ANKH: variants seen among roughly 807,000 people sequenced by gnomAD.
ANKH encodes the protein mineralization regulator ANKH.
A neutral mutation model predicts 49.0 loss-of-function variants in ANKH; 15 were observed. That is an observed-to-expected ratio of 0.31 (90% confidence interval 0.20 to 0.47). The LOEUF (loss-of-function observed/expected upper bound fraction) is 0.47. Ranked by LOEUF, ANKH falls within the 20% of genes least tolerant of loss-of-function variation. The pLI is 1.00. For missense variants in ANKH, 429 were observed against 652.0 expected, an observed-to-expected ratio of 0.66 and a Z score of 3.72; for synonymous variants, 273 against 260.0, an observed-to-expected ratio of 1.05 and a Z score of -0.48.
chr5:14,871,162 T>A (rs978198041), intron 1 of ANKH, 190 bp downstream of exon 1: 29 of 679,888 alleles, frequency 4.3e-5, no homozygotes, highest in African/African-American at 3.2e-4. Context: ...TGGAAAAGTC[T>A]GCTGAATAAT....
At chr5:14,793,021 A>AATATATATATATAAAAATATATAT (rs1740232243) in intron 1 of ANKH, among the ~76,000 whole-genome samples, 6 of 68,334 alleles carry the variant, frequency 8.8e-5, no homozygotes, top group Non-Finnish European at 1.7e-4. Flanking sequence ...TATATATATA[A>AATATATATATATAAAAATATATAT]ATATATATAT....
intron 1 of ANKH, among the ~76,000 whole-genome samples, chr5:14,855,551 C>A (rs1742230380): frequency 6.6e-6 from 1 of 152,116 alleles, no homozygotes; most frequent in Non-Finnish European, 1.5e-5. Context: ...GAGTAACCAG[C>A]ATACATTGTG....
intron 1 of ANKH, among the ~76,000 whole-genome samples, chr5:14,802,667 G>A (rs547620475): frequency 6.6e-6 from 1 of 151,880 alleles, no homozygotes; most frequent in African/African-American, 2.4e-5. Context: ...GCGTCTCCTT[G>A]AGAGCTACAG....
At chr5:14,782,362 T>C (rs1429862837) in intron 1 of ANKH, among the ~76,000 whole-genome samples, 1 of 152,118 alleles carries the variant, frequency 6.6e-6, no homozygotes, top group Non-Finnish European at 1.5e-5. Context: ...GAAACTGATG[T>C]ATGGAGAGGC....
At chr5:14,779,534 G>A (rs555917689) in intron 1 of ANKH, among the ~76,000 whole-genome samples, 2 of 152,210 alleles carry the variant, frequency 1.3e-5, no homozygotes, top group South Asian at 2.1e-4. Context: ...GGGACTGGGC[G>A]TATTTGTCAC....
intron 1 of ANKH, among the ~76,000 whole-genome samples, chr5:14,852,594 T>A (rs1042197594): frequency 6.6e-6 from 1 of 152,200 alleles, no homozygotes; most frequent in African/African-American, 2.4e-5. Flanking sequence ...TTGTGGGGGT[T>A]TGTGGTACAG....
At chr5:14,741,389 G>A (rs1213973685) in intron 8 of ANKH, 9 of 221,428 alleles carry the variant, frequency 4.1e-5, no homozygotes, top group Admixed American at 1.1e-4. Flanking sequence ...CTATGGGCAC[G>A]TGATGGCCAC....
At chr5:14,819,497 C>T (rs1238615383) in intron 1 of ANKH, among the ~76,000 whole-genome samples, 2 of 152,170 alleles carry the variant, frequency 1.3e-5, no homozygotes, top group African/African-American at 2.4e-5. Context: ...TCTGTATCAC[C>T]TTTATTTCAG....
chr5:14,833,844 G>A (rs1236649302), intron 1 of ANKH, among the ~76,000 whole-genome samples: 1 of 152,188 alleles, frequency 6.6e-6, no homozygotes, highest in Admixed American at 6.5e-5. Flanking sequence ...CAAAGGAACT[G>A]TTGGGGCCCT....
intron 2 of ANKH, among the ~76,000 whole-genome samples, chr5:14,764,270 T>C (rs1005076580): frequency 1.3e-5 from 2 of 152,050 alleles, no homozygotes; most frequent in Non-Finnish European, 2.9e-5. Context: ...GTCAGTAGTG[T>C]GCGGTGGGAG....
chr5:14,841,108 T>C (rs1039942705), intron 1 of ANKH, among the ~76,000 whole-genome samples: 2 of 152,038 alleles, frequency 1.3e-5, no homozygotes, highest in African/African-American at 2.4e-5. Context: ...TTACAATCAT[T>C]AGGTAGAACT....
At chr5:14,783,836 A>G (rs1739889308) in intron 1 of ANKH, among the ~76,000 whole-genome samples, 1 of 152,228 alleles carries the variant, frequency 6.6e-6, no homozygotes, top group African/African-American at 2.4e-5. Context: ...TGCATACGTG[A>G]TACAGGAGGT....
chr5:14,707,525 T>G lies in ANKH; in HGVS notation c.*3672A>C, dbSNP rs1177192788. 6.6e-6 allele frequency: 1 copy of G among 152,182 alleles called. No individual in the cohort carries two copies. Among genetic ancestry groups the G allele is most frequent in the Admixed American group, 6.5e-5 (1 of 15,286 alleles). The allele number at this position is 152,182 out of a possible 1,614,324, so 9.4% of individuals were successfully genotyped here. The stretch of plus-strand genomic sequence containing the variant: ...ATGATTATTCCAACCAGGAGAGAGA[T>G]CCAGAGGGCTGGGAGTGAGCACTCC... On this transcript the variant is annotated 3_prime_UTR_variant, in exon 12 of 12. Coordinates refer to ENST00000284268, the MANE Select transcript of ANKH (RefSeq NM_054027.6).
At chr5:14,808,294 A>T (rs1033787357) in intron 1 of ANKH, among the ~76,000 whole-genome samples, 11 of 152,166 alleles carry the variant, frequency 7.2e-5, no homozygotes, top group Non-Finnish European at 1.5e-4. Context: ...TAAATCTTAT[A>T]GTGATCTTTG....
chr5:14,765,758 G>C (rs1053820449), intron 2 of ANKH, among the ~76,000 whole-genome samples: 2 of 152,196 alleles, frequency 1.3e-5, no homozygotes, highest in African/African-American at 4.8e-5. Context: ...TCTTTGACCT[G>C]AGCCTGTCTC....
At chr5:14,846,538 A>C (rs1162583616) in intron 1 of ANKH, among the ~76,000 whole-genome samples, 1 of 152,224 alleles carries the variant, frequency 6.6e-6, no homozygotes, top group Non-Finnish European at 1.5e-5. Flanking sequence ...TTCATATATA[A>C]GCAATGGAAT....
In ANKH at chr5:14,713,171, C is replaced by T. The variant is rs1009030868; in HGVS notation, c.1266-198G>A. 9.9e-5 allele frequency among the ~76,000 whole-genome samples: 15 copies of T among 152,180 alleles called. No individual in the cohort carries two copies. Among genetic ancestry groups the T allele is most frequent in the Admixed American group, 2.6e-4 (4 of 15,284 alleles). ...CAGGAACTCGGGGCTGGGCCACCTC[C>T]CTCCCACAGCACATGGATCCCACAG... On this transcript the variant is annotated intron_variant, in intron 10 of 11. Transcript: ENST00000284268. The surrounding 1 kb of genome is among the most constrained non-coding windows in gnomAD (Gnocchi z 4.4).
chr5:14,730,801 A>G (rs1480526875), intron 8 of ANKH, among the ~76,000 whole-genome samples: 1 of 152,130 alleles, frequency 6.6e-6, no homozygotes, highest in Non-Finnish European at 1.5e-5. Context: ...CTCCACCTCT[A>G]TCTTGCCAGC....
intron 2 of ANKH, among the ~76,000 whole-genome samples, chr5:14,763,802 T>C (rs1807375): frequency 0.031 from 4,757 of 152,224 alleles, 256 homozygotes; most frequent in African/African-American, 0.11. Context: ...AAGAAGTGAC[T>C]GGGAGGCTGG....
Sources: allele counts gnomAD v4.1 joint callset (sites outside exome capture counted in the v4.1 genomes callset), GRCh38; gene constraint gnomAD v4.1.1; non-coding constraint Gnocchi (gnomAD v3.1); transcripts MANE v1.5; gene names NCBI Gene and HGNC (gene_info 2026-07-23, HGNC 2026-07-21).